The following PAX8 variants were observed in gnomAD, a reference collection of about 807,000 sequenced individuals.
The protein encoded by PAX8 is paired box 8.
In PAX8, 15 loss-of-function variants were observed where a neutral mutation model predicts 52.4. The ratio of observed to expected loss-of-function variants is 0.29; its 90% CI spans 0.19 to 0.44. The LOEUF is 0.44. PAX8 is among the 20% of genes least tolerant of loss of function. The probability of loss-of-function intolerance (pLI) is 1.00; values close to 1 mark genes in which losing one functional copy is unlikely to be tolerated. For synonymous variants in PAX8, 284 were observed against 249.7 expected (o/e 1.14, Z -1.29); for missense variants, 554 against 602.5 (o/e 0.92, Z 0.84).
Position 113,218,475 on chromosome 2 carries a change from G to C in PAX8, c.*58C>G. The stretch of plus-strand genomic sequence containing the variant: ...AAGATTCCTTTGTGTGACTCTCTGG[G>C]GCCTGTCCCAGGCTGAGTCCTCCTG... On this transcript the variant is annotated 3_prime_UTR_variant, in exon 12 of 12. Transcript: ENST00000429538. The C allele has an allele frequency of 2.0e-6, 2 of 982,540 alleles. No individual in the cohort carries two copies. The highest frequency in any genetic ancestry group is 5.6e-5 in the Admixed American group (2 of 35,784). The allele number at this position is 982,540 out of a possible 1,614,324, so 60.9% of individuals were successfully genotyped here. A position where few individuals can be genotyped will look rare whatever the true frequency, so the allele number is the denominator to read the frequency against.
Position 113,235,469 on chromosome 2 carries a change from C to T in PAX8, c.1012G>A (p.Gly338Arg), listed in dbSNP as rs550306935. 8.1e-6 allele frequency: 13 copies of T among 1,612,720 alleles called. No individual in the cohort carries two copies. Among genetic ancestry groups the T allele is most frequent in the African/African-American group, 8.0e-5 (6 of 74,994 alleles). The change falls in exon 9 of 12, where the codon GGG (glycine) becomes AGG (arginine). Residue 338 changes from glycine to arginine, a missense_variant. Gly to Arg is a moderately radical substitution (Grantham distance 125, BLOSUM62 -2). This residue lies in a region of PAX8 where 445 missense variants were observed against 409.9 expected (regional missense o/e 1.09). Coordinates refer to ENST00000429538, the MANE Select transcript of PAX8 (RefSeq NM_003466.4). ...AFLDLQQVGS[G>R]VPPFNAFPHA... ...GGAAAGGCATTGAAGGGCGGGACCC[C>T]GGAGCCGACTTGCTGCAGATCCAAA...
Position 113,278,853 on chromosome 2 carries a change from T to C in PAX8, c.-98A>G. On this transcript the variant is annotated 5_prime_UTR_variant, in exon 1 of 12. Coordinates refer to ENST00000429538, the MANE Select transcript of PAX8 (RefSeq NM_003466.4). ...TACCTGGCCGGCCGGCTGCAGGCCC[T>C]CACTGCTTGGGTCCGCCCGCGAGGG... 9.4e-7 allele frequency: 1 copy of C among 1,067,074 alleles called. No individual in the cohort carries two copies. The highest frequency in any genetic ancestry group is 1.1e-6 in the Non-Finnish European group (1 of 879,626). The allele number at this position is 1,067,074 out of a possible 1,614,324, so 66.1% of individuals were successfully genotyped here. A position where few individuals can be genotyped will look rare whatever the true frequency, so the allele number is the denominator to read the frequency against.
At chr2:113,235,185 C>T (rs1213530347) in intron 9 of PAX8, among the ~76,000 whole-genome samples, 1 of 152,110 alleles carries the variant, frequency 6.6e-6, no homozygotes, top group South Asian at 2.1e-4. Context: ...GGTGCATCCC[C>T]GGCACCCCTA....
intron 10 of PAX8, among the ~76,000 whole-genome samples, chr2:113,223,171 C>A (rs984462575): frequency 6.6e-6 from 1 of 152,016 alleles, no homozygotes; most frequent in Non-Finnish European, 1.5e-5. Flanking sequence ...GCCCAAAAAA[C>A]TCTTGATTTC....
At position 113,246,941 on chromosome 2, in the gene PAX8, G is replaced by T. The variant is rs545526317; in HGVS notation, c.26-22C>A. ...TGGCCTAAGGAGACAATATTCCCAG[G>T]GACAGCTGTCAGGGTCAGGTAGGAG... On this transcript the variant is annotated intron_variant, in intron 2 of 11. Coordinates refer to ENST00000429538, the MANE Select transcript of PAX8 (RefSeq NM_003466.4). 8.5e-5 allele frequency: 137 copies of T among 1,607,956 alleles called. 3 individuals carry two copies. In the South Asian group the frequency reaches 8.6e-4, roughly 10 times the overall value.
chr2:113,263,831 A>G (rs1692862969), intron 2 of PAX8, among the ~76,000 whole-genome samples: 1 of 152,220 alleles, frequency 6.6e-6, no homozygotes, highest in Non-Finnish European at 1.5e-5. Flanking sequence ...GAGCTTGTGA[A>G]GGATACAGAT....
rs1299423265 is a variant in PAX8, at chr2:113,235,384, C to T, written c.1087+10G>A. ...CATAGCTGCATGGCCCCGGGACCTC[C>T]CTGTCGTACCTGAGAGGAGGGCCTG... On this transcript the variant is annotated intron_variant, in intron 9 of 11. Coordinates refer to ENST00000429538, the MANE Select transcript of PAX8 (RefSeq NM_003466.4). 4.5e-6 allele frequency: 7 copies of T among 1,563,042 alleles called. No homozygotes were observed. The highest frequency in any genetic ancestry group is 5.2e-6 in the Non-Finnish European group (6 of 1,153,858).
chr2:113,273,980 C>G (rs1402827951), intron 2 of PAX8: 1 of 152,152 alleles, frequency 6.6e-6, no homozygotes, highest in Non-Finnish European at 1.5e-5. Context: ...ATTAACCTGA[C>G]AGGAACGCGT....
chr2:113,241,755 T>A (rs895707295), intron 6 of PAX8, 29 bp from the exon 7 acceptor site: 10 of 1,611,004 alleles, frequency 6.2e-6, no homozygotes, highest in Non-Finnish European at 8.5e-6. Flanking sequence ...GAAGAAAGCT[T>A]TTAGGGGACC....
rs1037163344 is a variant in PAX8 at position 113,216,238 on chromosome 2, C to T, written c.*2295G>A. ...CGGAGTCGCGCTGCAGAGGGAAGTT[C>T]TGCCATTGAAAAACCAGCCGCATCT... is the stretch of plus-strand genomic sequence containing the variant. On this transcript the variant is annotated 3_prime_UTR_variant, in exon 12 of 12. Coordinates refer to ENST00000429538, the MANE Select transcript of PAX8 (RefSeq NM_003466.4). 4 of 231,078 alleles carry T rather than the reference C, an allele frequency of 1.7e-5. No individual in the cohort carries two copies. The highest frequency in any genetic ancestry group is 8.8e-5 in the African/African-American group (4 of 45,226). 14.3% of individuals were successfully genotyped at this position (231,078 alleles called of 1,614,324 possible).
chr2:113,250,441 G>A (rs1411144116), intron 2 of PAX8, among the ~76,000 whole-genome samples: 2 of 152,192 alleles, frequency 1.3e-5, no homozygotes, highest in African/African-American at 4.8e-5. Context: ...TCAAACTTCA[G>A]TGTGCATCAG....
rs932795972 is a variant in PAX8 at position 113,259,876 on chromosome 2, C to T, written c.26-12957G>A. On this transcript the variant is annotated intron_variant, in intron 2 of 11. Transcript: ENST00000429538. ...GGCTGTGGAAGGGCCCTCTGGGCTG[C>T]AGAAGGAAGGTCCAGGGTCTCTGCG... is the stretch of plus-strand genomic sequence containing the variant. Among the ~76,000 whole-genome samples, 3 of 152,178 alleles carry T rather than the reference C, an allele frequency of 2.0e-5. No homozygotes were observed. In the East Asian group the frequency reaches 5.8e-4, roughly 29 times the overall value.
chr2:113,244,767 G>A (rs1003547499), intron 3 of PAX8, 143 bp from the exon 4 acceptor site: 6 of 761,172 alleles, frequency 7.9e-6, no homozygotes, highest in Middle Eastern at 3.3e-4. Context: ...GGTCTCAAAC[G>A]CTTGATGTGC....
intron 4 of PAX8, among the ~76,000 whole-genome samples, chr2:113,243,888 AT>A (rs1558718706): frequency 2.6e-5 from 4 of 152,148 alleles, no homozygotes; most frequent in African/African-American, 9.7e-5. Flanking sequence ...TTTTTACAAT[AT>A]TTTTTGTAGG....
chr2:113,266,621 T>C (rs1163792549), intron 2 of PAX8: 2 of 152,232 alleles, frequency 1.3e-5, no homozygotes, highest in East Asian at 3.9e-4. Flanking sequence ...GGACACCAGC[T>C]GTTCTGACAC....
intron 2 of PAX8, among the ~76,000 whole-genome samples, chr2:113,251,183 G>A (rs1318894007): frequency 3.9e-5 from 6 of 152,166 alleles, no homozygotes; most frequent in Non-Finnish European, 7.3e-5. Context: ...TGTCCGGTGT[G>A]GGGGAGTGGA....
chr2:113,251,089 C>G (rs868287018), intron 2 of PAX8, among the ~76,000 whole-genome samples: 1 of 152,176 alleles, frequency 6.6e-6, no homozygotes, highest in Admixed American at 6.5e-5. Context: ...TTGGAAAGAG[C>G]CTGCTGGCTG....
At chr2:113,231,805 C>T (rs1266066481) in intron 9 of PAX8, among the ~76,000 whole-genome samples, 1 of 152,120 alleles carries the variant, frequency 6.6e-6, no homozygotes. Flanking sequence ...CTCGGCTCAC[C>T]GCAACCTCCG....
intron 2 of PAX8, among the ~76,000 whole-genome samples, chr2:113,277,712 G>A (rs766075305): frequency 6.6e-6 from 1 of 152,194 alleles, no homozygotes; most frequent in East Asian, 1.9e-4. Context: ...CTGGGAGCTC[G>A]AGTGTGTTTG....
Sources: gnomAD v4.1 joint callset for allele counts (sites outside exome capture counted in the v4.1 genomes callset) on GRCh38, gnomAD v4.1.1 for gene constraint, gnomAD v4.1.1 regional missense constraint, MANE v1.5 for transcripts, NCBI Gene and HGNC (gene_info 2026-07-23, HGNC 2026-07-21) for gene names.